MALT1: variants seen among roughly 807,000 people sequenced by gnomAD.
MALT1 encodes MALT1 paracaspase, also known as mucosa-associated lymphoid tissue lymphoma translocation protein 1.
A neutral mutation model predicts 85.5 loss-of-function variants in MALT1; 36 were observed. That is an observed-to-expected ratio of 0.42 (90% CI 0.32 to 0.56). The LOEUF (loss-of-function observed/expected upper bound fraction) is 0.56. MALT1 is among the 20% of genes least tolerant of loss of function. The probability of loss-of-function intolerance (pLI) is 0.10; values close to 1 mark genes in which losing one functional copy is unlikely to be tolerated. For missense variants in MALT1, 716 were observed against 981.6 expected (o/e 0.73, Z 3.62); for synonymous variants, 359 against 361.3 (o/e 0.99, Z 0.07).
At chr18:58,697,985 G>A (rs2054614848) in intron 3 of MALT1, among the ~76,000 whole-genome samples, 1 of 152,002 alleles carries the variant, frequency 6.6e-6, no homozygotes, top group African/African-American at 2.4e-5. Flanking sequence ...CATAATATGA[G>A]AAGCTACTAA....
At position 58,727,620 on chromosome 18, in the gene MALT1, TTTTTTTTG is replaced by T. The variant is rs1206671226; in HGVS notation, c.1222+4377_1222+4384del. ...AGCCTGCCAAAGGTTTTTTGTGTTT[TTTTTTTTG>T]TTTTTTTTTTTTTTGAGGAAAAAAA... On this transcript the variant is annotated intron_variant, in intron 10 of 16. Coordinates refer to ENST00000649217, the MANE Select transcript of MALT1 (RefSeq NM_006785.4). Among the ~76,000 whole-genome samples the T allele has an allele frequency of 9.7e-4, 123 of 126,938 alleles. 2 individuals are homozygous for T. The highest frequency in any genetic ancestry group is 3.2e-3 in the African/African-American group (114 of 35,540). The allele number at this position is 126,938 out of a possible 152,430, so 83.3% of individuals were successfully genotyped here.
rs59890170 is a variant in MALT1 at position 58,705,289 on chromosome 18, CGTGTGTGTGTGTGT to C, written c.650-4068_650-4055del. 3.8e-4 allele frequency among the ~76,000 whole-genome samples: 56 copies of C among 147,104 alleles called. 1 individual carries two copies. Among genetic ancestry groups the C allele is most frequent in the African/African-American group, 7.3e-4 (29 of 39,554 alleles). ...ACTTTTGAGCAATCTTGTAAAAGTA[CGTGTGTGTGTGTGT>C]GTGTGTGTGTGTGTGTGTGTATTTA... On this transcript the variant is annotated intron_variant, in intron 4 of 16. Transcript: ENST00000649217.
chr18:58,739,398 G>A (rs2055270904), intron 13 of MALT1, among the ~76,000 whole-genome samples: 1 of 152,148 alleles, frequency 6.6e-6, no homozygotes, highest in Non-Finnish European at 1.5e-5. Context: ...ATGTAGCGTA[G>A]GCCTTGTGGA....
At position 58,734,556 on chromosome 18, in the gene MALT1, T is replaced by C. The variant is rs913973364; in HGVS notation, c.1475+175T>C. 4.0e-4 allele frequency: 237 copies of C among 586,518 alleles called. 1 individual carries two copies. The highest frequency in any genetic ancestry group is 3.1e-4 in the Admixed American group (11 of 35,366). The allele number at this position is 586,518 out of a possible 1,614,324, so 36.3% of individuals were successfully genotyped here. A position where few individuals can be genotyped will look rare whatever the true frequency, so the allele number is the denominator to read the frequency against. On this transcript the variant is annotated intron_variant, in intron 12 of 16. Coordinates refer to ENST00000649217, the MANE Select transcript of MALT1 (RefSeq NM_006785.4). ...CTCCTGCCTCAGCCTTCTGAGTCGC[T>C]GGGATTACAGGCATGTGCCACTGTG...
At chr18:58,684,540 A>G (rs1245222450) in intron 2 of MALT1, among the ~76,000 whole-genome samples, 1 of 138,746 alleles carries the variant, frequency 7.2e-6, no homozygotes, top group Admixed American at 8.3e-5. Context: ...TCTGCCTCCC[A>G]GGTTCAAGCG....
At chr18:58,708,403 G>A (rs548083186) in intron 4 of MALT1, among the ~76,000 whole-genome samples, 67 of 152,272 alleles carry the variant, frequency 4.4e-4, no homozygotes, top group African/African-American at 1.6e-3. Context: ...GCTGCATTCT[G>A]GGAAACCTTT....
rs1342556076 is a variant in MALT1 at position 58,734,279 on chromosome 18, T to C, written c.1401-28T>C. On this transcript the variant is annotated intron_variant, in intron 11 of 16. Transcript: ENST00000649217. ...TGCTCTTTAACTTTTCATATTTCTA[T>C]CTGCCCTCCTCCGCCTCCCTTAAAT... 7.4e-6 allele frequency: 11 copies of C among 1,491,760 alleles called. No homozygotes were observed. The Admixed American group carries it at 1.5e-4, about 20-fold the overall frequency. The allele number at this position is 1,491,760 out of a possible 1,614,324, so 92.4% of individuals were successfully genotyped here.
At chr18:58,741,777 C>A in intron 13 of MALT1, 88 bp from the exon 14 acceptor site, 1 of 731,238 alleles carries the variant, frequency 1.4e-6, no homozygotes, top group Non-Finnish European at 2.1e-6. Flanking sequence ...AGAATATAAC[C>A]TGATAATGTA....
In MALT1 at chr18:58,738,669, C is replaced by T. The variant is rs542432459; in HGVS notation, c.1604-3196C>T. Among the ~76,000 whole-genome samples, 31 of 152,258 alleles carry T rather than the reference C, an allele frequency of 2.0e-4. 1 individual carries two copies. The highest frequency in any genetic ancestry group is 3.4e-3 in the Middle Eastern group (1 of 294). ...CTCTCTCCATCACTTGATAGTCAGA[C>T]TTTTTTATTTTTGCCAAATGTTAAA... On this transcript the variant is annotated intron_variant, in intron 13 of 16. Coordinates refer to ENST00000649217, the MANE Select transcript of MALT1 (RefSeq NM_006785.4).
intron 4 of MALT1, 89 bp downstream of exon 4, chr18:58,700,680 A>G: frequency 1.7e-6 from 2 of 1,193,492 alleles, no homozygotes; most frequent in Non-Finnish European, 2.2e-6. Context: ...ATTTCAAAGT[A>G]TCAAAAAACA....
Position 58,671,572 on chromosome 18 carries a change from A to G in MALT1, c.-72A>G. Reference sequence around the variant, plus strand: ...CCTCCGCGGCTCGGAGGCGAGCGGAAGGTGCCCCGGGGCCGAGGCCCGTGA... The same window carrying G: ...CCTCCGCGGCTCGGAGGCGAGCGGAGGGTGCCCCGGGGCCGAGGCCCGTGA... On this transcript the variant is annotated 5_prime_UTR_variant, in exon 1 of 17. Transcript: ENST00000649217. 2 of 1,025,048 alleles carry G rather than the reference A, an allele frequency of 2.0e-6. No individual in the cohort carries two copies. The highest frequency in any genetic ancestry group is 2.5e-6 in the Non-Finnish European group (2 of 806,638). The allele number at this position is 1,025,048 out of a possible 1,614,324, so 63.5% of individuals were successfully genotyped here.
rs1057154951 is a variant in MALT1 at position 58,751,171 on chromosome 18, G to T, written c.*3329G>T. 6.6e-6 allele frequency: 1 copy of T among 152,236 alleles called. No individual in the cohort carries two copies. Among genetic ancestry groups the T allele is most frequent in the Admixed American group, 6.5e-5 (1 of 15,284 alleles). The allele number at this position is 152,236 out of a possible 1,614,324, so 9.4% of individuals were successfully genotyped here. A position where few individuals can be genotyped will look rare whatever the true frequency, so the allele number is the denominator to read the frequency against. ...ACATAAAATTTTAGTTTTAGGATGGGTGTGGTGGCTCACGCCTATAATCTC... is the reference window on the plus strand; with the variant it reads ...ACATAAAATTTTAGTTTTAGGATGGTTGTGGTGGCTCACGCCTATAATCTC... On this transcript the variant is annotated 3_prime_UTR_variant, in exon 17 of 17. Coordinates refer to ENST00000649217, the MANE Select transcript of MALT1 (RefSeq NM_006785.4).
intron 1 of MALT1, among the ~76,000 whole-genome samples, chr18:58,680,457 T>G (rs2054303650): frequency 6.6e-6 from 1 of 152,200 alleles, no homozygotes; most frequent in South Asian, 2.1e-4. Flanking sequence ...TTTTTAGTAT[T>G]TTTCAATTGC....
chr18:58,686,488 C>T (rs2054405344), intron 2 of MALT1, among the ~76,000 whole-genome samples: 1 of 152,230 alleles, frequency 6.6e-6, no homozygotes, highest in Admixed American at 6.5e-5. Context: ...TTAGAGAGAA[C>T]TAGCATTGTT....
rs373607026 is a variant in MALT1, at chr18:58,750,210, A to G, written c.*2368A>G. The stretch of plus-strand genomic sequence containing the variant: ...CTGAAAATGAGAATAAAGAAATCCT[A>G]TATACAGTAGCATCAAGAATAAAAC... On this transcript the variant is annotated 3_prime_UTR_variant, in exon 17 of 17. Transcript: ENST00000649217. 3.0e-4 allele frequency: 52 copies of G among 172,922 alleles called. No homozygotes were observed. In the South Asian group the frequency reaches 0.01, roughly 35 times the overall value. The allele number at this position is 172,922 out of a possible 1,614,324, so 10.7% of individuals were successfully genotyped here.
At chr18:58,682,139 A>G (rs981257801) in intron 2 of MALT1, among the ~76,000 whole-genome samples, 2 of 152,084 alleles carry the variant, frequency 1.3e-5, no homozygotes, top group African/African-American at 4.8e-5. Flanking sequence ...GATGCACTCT[A>G]TTTTACGTGG....
intron 2 of MALT1, among the ~76,000 whole-genome samples, chr18:58,693,846 T>C (rs2054548900): frequency 6.6e-6 from 1 of 152,198 alleles, no homozygotes; most frequent in African/African-American, 2.4e-5. Context: ...AAAGCCAGGA[T>C]AGCCAAAACT....
At chr18:58,712,893 T>A (rs1602313090) in intron 7 of MALT1, among the ~76,000 whole-genome samples, 1 of 152,306 alleles carries the variant, frequency 6.6e-6, no homozygotes. Context: ...AACTATTCTG[T>A]ATGATTAATG....
chr18:58,689,436 C>T (rs569536773), intron 2 of MALT1, among the ~76,000 whole-genome samples: 8 of 152,236 alleles, frequency 5.3e-5, no homozygotes, highest in Admixed American at 2.6e-4. Flanking sequence ...CAGTAACTTG[C>T]TGCTGTAGTA....
Sources: gnomAD v4.1 joint callset for allele counts (sites outside exome capture counted in the v4.1 genomes callset) on GRCh38, gnomAD v4.1.1 for gene constraint, MANE v1.5 for transcripts, NCBI Gene and HGNC (gene_info 2026-07-23, HGNC 2026-07-21) for gene names.